Variants in TNR observed in about 807,000 individuals in gnomAD.
TNR encodes tenascin-R.
A neutral mutation model predicts 150.4 loss-of-function variants in TNR; 45 were observed. That is an observed-to-expected ratio of 0.30 (90% CI 0.24 to 0.38). The LOEUF (loss-of-function observed/expected upper bound fraction) is 0.38. Ranked by LOEUF, TNR falls within the 10% of genes least tolerant of loss-of-function variation. The probability of loss-of-function intolerance (pLI) is 1.00; values close to 1 mark genes in which losing one functional copy is unlikely to be tolerated. For missense variants in TNR, 1,544 were observed against 1,759.1 expected (o/e 0.88, Z 2.19); for synonymous variants, 687 against 678.4 (o/e 1.01, Z -0.20).
chr1:175,666,769 G>C (rs967907557), intron 1 of TNR, among the ~76,000 whole-genome samples: 3 of 152,152 alleles, frequency 2.0e-5, no homozygotes, highest in Admixed American at 6.5e-5. Context: ...TGTTTATAGA[G>C]ACAGGTTCTC....
At position 175,336,149 on chromosome 1, in the gene TNR, T is replaced by A. The variant is rs568858223; in HGVS notation, c.3535-342A>T. On this transcript the variant is annotated intron_variant, in intron 19 of 22. Transcript: ENST00000367674. ...GAAATAGGCTTGGCTCTCAAACGAA[T>A]CTTTTGCACTACAGAGTGCAGTAGA... Among the ~76,000 whole-genome samples the A allele has an allele frequency of 5.3e-5, 8 of 152,344 alleles. No homozygotes were observed. In the South Asian group the frequency reaches 1.7e-3, roughly 32 times the overall value.
chr1:175,373,172 G>C (rs910591465), intron 9 of TNR, among the ~76,000 whole-genome samples: 1 of 152,110 alleles, frequency 6.6e-6, no homozygotes, highest in African/African-American at 2.4e-5. Flanking sequence ...AAGGACCCAT[G>C]GACATCTGGT....
rs185209494 is a variant in TNR, at chr1:175,445,087, G to A, written c.-63-38310C>T. Among the ~76,000 whole-genome samples the A allele has an allele frequency of 7.0e-3, 1,071 of 152,238 alleles. 9 individuals are homozygous for A. The highest frequency in any genetic ancestry group is 0.01 in the Non-Finnish European group (699 of 68,014). On this transcript the variant is annotated intron_variant, in intron 2 of 22. Transcript: ENST00000367674. ...AGATTGAGACCATCCTAGCTAACAC[G>A]GTGAAACCCCATCTCTACTAAAAAC...
At chr1:175,618,783 A>T (rs931057638) in intron 1 of TNR, among the ~76,000 whole-genome samples, 1 of 152,208 alleles carries the variant, frequency 6.6e-6, no homozygotes, top group African/African-American at 2.4e-5. Context: ...CACACTGGAA[A>T]GAGGGTTAAC....
At chr1:175,495,207 G>A (rs1368546794) in intron 2 of TNR, among the ~76,000 whole-genome samples, 2 of 152,186 alleles carry the variant, frequency 1.3e-5, no homozygotes, top group Admixed American at 1.3e-4. Context: ...AAGATAGACA[G>A]ATACATCATG....
chr1:175,449,207 T>C (rs907570500), intron 2 of TNR, among the ~76,000 whole-genome samples: 9 of 152,244 alleles, frequency 5.9e-5, no homozygotes, highest in Non-Finnish European at 8.8e-5. Context: ...CAGACCTCCA[T>C]AGAATCAGCT....
At chr1:175,424,142 A>G (rs1183540476) in intron 2 of TNR, among the ~76,000 whole-genome samples, 2 of 152,178 alleles carry the variant, frequency 1.3e-5, no homozygotes, top group African/African-American at 4.8e-5. Context: ...CATAATTGAG[A>G]TTGCACCCTA....
intron 20 of TNR, 115 bp downstream of exon 20, chr1:175,335,596 T>C: frequency 1.0e-6 from 1 of 970,736 alleles, no homozygotes; most frequent in Non-Finnish European, 1.6e-6. Flanking sequence ...ATTCAGGAGC[T>C]GTTAGCTTCT....
At chr1:175,397,717 T>TA (rs1557907418) in intron 4 of TNR, among the ~76,000 whole-genome samples, 2 of 152,196 alleles carry the variant, frequency 1.3e-5, no homozygotes, top group East Asian at 1.9e-4. Context: ...ATGATGATGA[T>TA]AAAAAAACAT....
chr1:175,656,141 A>AGTGTGTGTGT lies in TNR; in HGVS notation c.-165+87075_-165+87084dup, dbSNP rs575020723. 6.9e-3 allele frequency among the ~76,000 whole-genome samples: 851 copies of AGTGTGTGTGT among 123,918 alleles called. 9 individuals carry two copies. The highest frequency in any genetic ancestry group is 0.023 in the East Asian group (93 of 4,106). The allele number at this position is 123,918 out of a possible 152,430, so 81.3% of individuals were successfully genotyped here. A position where few individuals can be genotyped will look rare whatever the true frequency, so the allele number is the denominator to read the frequency against. The stretch of plus-strand genomic sequence containing the variant: ...AGGGGAAGACGGGGAGGAAGGTTGA[A>AGTGTGTGTGT]GTGTGTGTGTGTGTGTGTGTGTGTG... On this transcript the variant is annotated intron_variant, in intron 1 of 22. Coordinates refer to ENST00000367674, the MANE Select transcript of TNR (RefSeq NM_003285.3).
At chr1:175,513,515 G>C (rs935391849) in intron 2 of TNR, among the ~76,000 whole-genome samples, 11 of 152,122 alleles carry the variant, frequency 7.2e-5, no homozygotes, top group Admixed American at 5.9e-4. Context: ...GCAGGGGAGG[G>C]ACCCTCCCCA....
intron 1 of TNR, among the ~76,000 whole-genome samples, chr1:175,560,789 G>A (rs985957754): frequency 2.6e-5 from 4 of 152,140 alleles, no homozygotes; most frequent in Non-Finnish European, 4.4e-5. Flanking sequence ...GGTTTTATGA[G>A]CATTTGTACA....
chr1:175,660,695 G>T (rs1236679019), intron 1 of TNR, among the ~76,000 whole-genome samples: 2 of 152,188 alleles, frequency 1.3e-5, no homozygotes, highest in Admixed American at 1.3e-4. Flanking sequence ...GGTGAGAAGG[G>T]ACCCAGAGAC....
At chr1:175,520,724 A>G (rs1404753110) in intron 2 of TNR, among the ~76,000 whole-genome samples, 1 of 151,526 alleles carries the variant, frequency 6.6e-6, no homozygotes, top group Non-Finnish European at 1.5e-5. Context: ...CCTTCTGGCT[A>G]TATTTTCTCC....
intron 2 of TNR, among the ~76,000 whole-genome samples, chr1:175,503,083 G>A (rs956871417): frequency 4.0e-5 from 6 of 151,560 alleles, no homozygotes; most frequent in Admixed American, 1.3e-4. Flanking sequence ...ATGCCCCGCC[G>A]CAGTGGCGCA....
intron 1 of TNR, among the ~76,000 whole-genome samples, chr1:175,660,975 G>A (rs376647135): frequency 3.9e-5 from 6 of 152,172 alleles, no homozygotes; most frequent in African/African-American, 7.2e-5. Context: ...ACCCACTGCC[G>A]CCTGAAACAA....
chr1:175,650,791 C>CCA (rs1664943840), intron 1 of TNR, among the ~76,000 whole-genome samples: 1 of 49,648 alleles, frequency 2.0e-5, no homozygotes, highest in East Asian at 5.9e-4. Flanking sequence ...TACTCCTCCT[C>CCA]CCCCATCTCA....
chr1:175,672,550 C>T (rs561390691), intron 1 of TNR, among the ~76,000 whole-genome samples: 164 of 152,324 alleles, frequency 1.1e-3, no homozygotes, highest in Non-Finnish European at 2.2e-3. Flanking sequence ...AGCCTTCACT[C>T]TCCATCCAAA....
At chr1:175,738,506 G>A (rs534997431) in intron 1 of TNR, among the ~76,000 whole-genome samples, 3 of 152,290 alleles carry the variant, frequency 2.0e-5, no homozygotes, top group African/African-American at 4.8e-5. Flanking sequence ...GCCAAGGGCT[G>A]GGGGAGGAGG....
Sources: allele counts gnomAD v4.1 joint callset (sites outside exome capture counted in the v4.1 genomes callset), GRCh38; gene constraint gnomAD v4.1.1; transcripts MANE v1.5; gene names NCBI Gene and HGNC (gene_info 2026-07-23, HGNC 2026-07-21).